The following RAPGEF6 variants were observed in gnomAD, a reference collection of about 807,000 sequenced individuals.
RAPGEF6 encodes Rap guanine nucleotide exchange factor 6.
A neutral mutation model predicts 171.4 loss-of-function variants in RAPGEF6; 56 were observed. That is an observed-to-expected ratio of 0.33 (90% CI 0.26 to 0.41). The LOEUF (loss-of-function observed/expected upper bound fraction) is 0.41, where lower values mean the gene tolerates loss of function less well. Ranked by LOEUF, RAPGEF6 falls within the 10% of genes least tolerant of loss-of-function variation. RAPGEF6 has a pLI of 1.00. For missense variants in RAPGEF6, 1,674 were observed against 1,921.4 expected, an observed-to-expected ratio of 0.87 and a Z score of 2.41; for synonymous variants, 692 against 650.1, an observed-to-expected ratio of 1.06 and a Z score of -0.98.
At chr5:131,446,976 C>T (rs1752761243) in intron 21 of RAPGEF6, 1 of 349,246 alleles carries the variant, frequency 2.9e-6, no homozygotes, top group Non-Finnish European at 5.3e-6. Flanking sequence ...CCTATGCAAC[C>T]TATGGCACAA....
chr5:131,455,770 G>A, intron 20 of RAPGEF6, 31 bp downstream of exon 20: 1 of 1,558,954 alleles, frequency 6.4e-7, no homozygotes, highest in Non-Finnish European at 8.8e-7. Flanking sequence ...TAAACCATGT[G>A]GTAAAACATC....
chr5:131,552,862 A>G (rs1221536331), intron 5 of RAPGEF6, among the ~76,000 whole-genome samples: 1 of 152,200 alleles, frequency 6.6e-6, no homozygotes, highest in Non-Finnish European at 1.5e-5. Context: ...CAACTACATC[A>G]ACATCATGTA....
chr5:131,503,033 C>T (rs1171940498), intron 11 of RAPGEF6, among the ~76,000 whole-genome samples: 1 of 152,144 alleles, frequency 6.6e-6, no homozygotes, highest in Non-Finnish European at 1.5e-5. Context: ...GAACTCCTGA[C>T]CTCAAATGAT....
intron 4 of RAPGEF6, among the ~76,000 whole-genome samples, chr5:131,575,781 G>A (rs1272718813): frequency 6.6e-6 from 1 of 152,116 alleles, no homozygotes; most frequent in Non-Finnish European, 1.5e-5. Flanking sequence ...AAACAAGGCT[G>A]TGCGGTCGGA....
chr5:131,508,034 T>C (rs1425271976), intron 9 of RAPGEF6, 37 bp downstream of exon 9: 1 of 1,472,954 alleles, frequency 6.8e-7, no homozygotes, highest in Admixed American at 2.1e-5. Context: ...AAAGTTAGTA[T>C]CCATAATAAA....
At chr5:131,526,608 T>C (rs1343062231) in intron 6 of RAPGEF6, among the ~76,000 whole-genome samples, 1 of 152,236 alleles carries the variant, frequency 6.6e-6, no homozygotes, top group Admixed American at 6.5e-5. Context: ...AGAGAAGTTC[T>C]TGGTTCCCTA....
chr5:131,436,589 T>A (rs1286029798), intron 24 of RAPGEF6, among the ~76,000 whole-genome samples: 1 of 150,678 alleles, frequency 6.6e-6, no homozygotes, highest in Non-Finnish European at 1.5e-5. Context: ...GGAGAAAGAT[T>A]ACCTTTATCA....
chr5:131,528,316 T>TA (rs1759099376), intron 6 of RAPGEF6, among the ~76,000 whole-genome samples: 2 of 30,704 alleles, frequency 6.5e-5, no homozygotes, highest in Admixed American at 3.8e-4. Flanking sequence ...ATTTATATTA[T>TA]ATATATATAT....
chr5:131,533,657 G>A (rs868212136), intron 6 of RAPGEF6, among the ~76,000 whole-genome samples: 9 of 152,046 alleles, frequency 5.9e-5, no homozygotes, highest in African/African-American at 1.9e-4. Flanking sequence ...TTTTGCAAAG[G>A]GAAGCTGGAA....
chr5:131,542,250 T>G (rs1334014138), intron 6 of RAPGEF6, among the ~76,000 whole-genome samples: 1 of 152,212 alleles, frequency 6.6e-6, no homozygotes, highest in African/African-American at 2.4e-5. Flanking sequence ...AAATAATTTG[T>G]AAGCAATAGG....
At chr5:131,537,543 G>T (rs189920416) in intron 6 of RAPGEF6, among the ~76,000 whole-genome samples, 4 of 152,114 alleles carry the variant, frequency 2.6e-5, no homozygotes, top group Admixed American at 2.0e-4. Flanking sequence ...AGAAAAATTG[G>T]AAGCCACGTG....
intron 19 of RAPGEF6, among the ~76,000 whole-genome samples, chr5:131,460,860 G>A (rs1379093446): frequency 6.6e-6 from 1 of 152,126 alleles, no homozygotes. Context: ...TCTACATGAG[G>A]AGTAGAAACA....
intron 17 of RAPGEF6, among the ~76,000 whole-genome samples, chr5:131,470,726 G>A (rs1469737654): frequency 6.6e-6 from 1 of 152,144 alleles, no homozygotes; most frequent in East Asian, 1.9e-4. Flanking sequence ...GCAAACAATA[G>A]GAGAGACTGA....
At chr5:131,632,687 T>G (rs973168109) in intron 1 of RAPGEF6, among the ~76,000 whole-genome samples, 1 of 152,178 alleles carries the variant, frequency 6.6e-6, no homozygotes, top group Non-Finnish European at 1.5e-5. Context: ...AGCTAATATA[T>G]TCATAATAGA....
At chr5:131,438,292 A>C (rs1752152094) in intron 24 of RAPGEF6, among the ~76,000 whole-genome samples, 1 of 152,224 alleles carries the variant, frequency 6.6e-6, no homozygotes. Flanking sequence ...TGACCGTATA[A>C]ATAAATTACT....
At chr5:131,576,639 G>C (rs1329811452) in intron 4 of RAPGEF6, among the ~76,000 whole-genome samples, 1 of 152,156 alleles carries the variant, frequency 6.6e-6, no homozygotes, top group Non-Finnish European at 1.5e-5. Flanking sequence ...GTAGCAGCTA[G>C]TATTCTCACA....
chr5:131,606,325 C>G (rs561939792), intron 1 of RAPGEF6, among the ~76,000 whole-genome samples: 2 of 144,388 alleles, frequency 1.4e-5, no homozygotes, highest in South Asian at 4.5e-4. Flanking sequence ...GATCGCACCA[C>G]TGCACTCCAG....
intron 15 of RAPGEF6, among the ~76,000 whole-genome samples, chr5:131,486,434 A>G (rs1027994717): frequency 1.3e-5 from 2 of 152,192 alleles, no homozygotes; most frequent in Non-Finnish European, 2.9e-5. Context: ...TTTGTTTAAT[A>G]CATTTTCCTC....
intron 4 of RAPGEF6, among the ~76,000 whole-genome samples, chr5:131,585,456 A>G (rs1335156034): frequency 6.6e-6 from 1 of 151,482 alleles, no homozygotes; most frequent in African/African-American, 2.4e-5. Context: ...ATTCAAAGTC[A>G]CCCCTCTGCT....
Sources: gnomAD v4.1 joint callset for allele counts (sites outside exome capture counted in the v4.1 genomes callset) on GRCh38, gnomAD v4.1.1 for gene constraint, MANE v1.5 for transcripts, NCBI Gene and HGNC (gene_info 2026-07-23, HGNC 2026-07-21) for gene names.